PTPRT: variants seen among roughly 807,000 people sequenced by gnomAD.
The protein encoded by PTPRT is protein tyrosine phosphatase receptor type T.
In PTPRT, 56 loss-of-function variants were observed where a neutral mutation model predicts 176.8. The ratio of observed to expected loss-of-function variants is 0.32; its 90% CI spans 0.26 to 0.40. The LOEUF is 0.40. Among genes scored for constraint, PTPRT ranks in the 10% least tolerant of loss-of-function variants. PTPRT has a pLI of 1.00. For missense variants in PTPRT, 1,540 were observed against 1,908.2 expected, an observed-to-expected ratio of 0.81 and a Z score of 3.60; for synonymous variants, 783 against 739.0, an observed-to-expected ratio of 1.06 and a Z score of -0.96.
At chr20:42,584,480 G>C (rs1233622453) in intron 7 of PTPRT, among the ~76,000 whole-genome samples, 3 of 152,064 alleles carry the variant, frequency 2.0e-5, no homozygotes, top group Non-Finnish European at 1.5e-5. Context: ...CTTCATGCAG[G>C]CCTTTGCATA....
chr20:42,562,593 G>C (rs1364795419), intron 7 of PTPRT, among the ~76,000 whole-genome samples: 1 of 152,184 alleles, frequency 6.6e-6, no homozygotes, highest in Non-Finnish European at 1.5e-5. Context: ...ATAGAAATAT[G>C]CATTCATTTC....
intron 9 of PTPRT, among the ~76,000 whole-genome samples, chr20:42,377,138 A>C (rs187105926): frequency 6.6e-6 from 1 of 152,304 alleles, no homozygotes; most frequent in Admixed American, 6.5e-5. Context: ...CAGCAAAGCG[A>C]TGCATTTCAC....
chr20:43,016,711 T>C (rs1985392510), intron 1 of PTPRT, among the ~76,000 whole-genome samples: 1 of 151,938 alleles, frequency 6.6e-6, no homozygotes, highest in Admixed American at 6.6e-5. Flanking sequence ...TTAGTTTTTG[T>C]ATTTTTAGTA....
intron 7 of PTPRT, among the ~76,000 whole-genome samples, chr20:42,518,303 A>T (rs551145087): frequency 1.3e-3 from 201 of 152,166 alleles, no homozygotes; most frequent in African/African-American, 4.6e-3. Context: ...TAAACAGCAT[A>T]AAACTGGATT....
intron 2 of PTPRT, among the ~76,000 whole-genome samples, chr20:42,846,088 T>G (rs2078365780): frequency 6.6e-6 from 1 of 152,166 alleles, no homozygotes; most frequent in Non-Finnish European, 1.5e-5. Flanking sequence ...CCCACCAGCC[T>G]CCGTGTGTCA....
At chr20:42,507,682 C>A (rs2071871713) in intron 7 of PTPRT, among the ~76,000 whole-genome samples, 1 of 152,034 alleles carries the variant, frequency 6.6e-6, no homozygotes, top group Non-Finnish European at 1.5e-5. Flanking sequence ...CATTTTGTTC[C>A]TTTCTCTCTA....
intron 7 of PTPRT, among the ~76,000 whole-genome samples, chr20:42,622,116 T>G (rs1337810989): frequency 2.0e-5 from 3 of 152,234 alleles, no homozygotes; most frequent in Admixed American, 6.5e-5. Context: ...TGCCTCTACC[T>G]TAGAAAATAT....
At chr20:42,108,295 A>AAAAG (rs1986668354) in intron 23 of PTPRT, among the ~76,000 whole-genome samples, 1 of 152,286 alleles carries the variant, frequency 6.6e-6, no homozygotes, top group South Asian at 2.1e-4. Flanking sequence ...AGGATATTTG[A>AAAAG]AAAGACCCCC....
chr20:42,319,873 C>T (rs574454180), intron 11 of PTPRT, among the ~76,000 whole-genome samples: 30 of 152,164 alleles, frequency 2.0e-4, no homozygotes, highest in African/African-American at 7.0e-4. Flanking sequence ...ATCTCCAGCT[C>T]AAAAACAGTG....
intron 27 of PTPRT, among the ~76,000 whole-genome samples, chr20:42,093,071 C>T (rs3092283): frequency 0.27 from 41,566 of 152,048 alleles, 5,980 homozygotes; most frequent in East Asian, 0.42. Flanking sequence ...GTGGACATCT[C>T]TGGTGGGGCC....
intron 12 of PTPRT, among the ~76,000 whole-genome samples, chr20:42,300,543 G>A (rs1209956523): frequency 6.6e-6 from 1 of 151,806 alleles, no homozygotes; most frequent in African/African-American, 2.4e-5. Flanking sequence ...AGCTAATTCT[G>A]GGACAATTTG....
At chr20:42,726,754 C>A (rs1002606632) in intron 6 of PTPRT, among the ~76,000 whole-genome samples, 1 of 152,232 alleles carries the variant, frequency 6.6e-6, no homozygotes, top group Admixed American at 6.5e-5. Flanking sequence ...CTCCTCCTGC[C>A]TTCCATTCTC....
At chr20:43,184,794 C>A (rs542370105) in intron 1 of PTPRT, among the ~76,000 whole-genome samples, 4 of 152,124 alleles carry the variant, frequency 2.6e-5, no homozygotes, top group Non-Finnish European at 5.9e-5. Flanking sequence ...ACTTCTGTTA[C>A]GTCCCTTTGG....
At chr20:43,143,658 T>C (rs1739016631) in intron 1 of PTPRT, among the ~76,000 whole-genome samples, 1 of 152,022 alleles carries the variant, frequency 6.6e-6, no homozygotes, top group Non-Finnish European at 1.5e-5. Context: ...GAGATAGAGA[T>C]CTAAGGAAAG....
chr20:42,979,089 C>T (rs910059778), intron 1 of PTPRT, among the ~76,000 whole-genome samples: 1 of 152,080 alleles, frequency 6.6e-6, no homozygotes, highest in Non-Finnish European at 1.5e-5. Flanking sequence ...AAATTGTTGT[C>T]AACGTAAATC....
intron 1 of PTPRT, among the ~76,000 whole-genome samples, chr20:42,904,050 C>A (rs945823916): frequency 6.6e-6 from 1 of 152,066 alleles, no homozygotes; most frequent in Non-Finnish European, 1.5e-5. Context: ...GGTTCCTAAG[C>A]AAAAAAACAG....
chr20:42,846,208 T>G (rs762005813), intron 2 of PTPRT, among the ~76,000 whole-genome samples: 1 of 152,152 alleles, frequency 6.6e-6, no homozygotes, highest in Non-Finnish European at 1.5e-5. Flanking sequence ...CCATTGCAAA[T>G]TATGTCTGAA....
chr20:42,394,649 T>C (rs188435855), intron 9 of PTPRT, among the ~76,000 whole-genome samples: 1 of 152,222 alleles, frequency 6.6e-6, no homozygotes, highest in Non-Finnish European at 1.5e-5. Context: ...TTCCATATGG[T>C]ATAAGTCATT....
At chr20:42,862,641 C>T (rs1167624793) in intron 2 of PTPRT, among the ~76,000 whole-genome samples, 1 of 152,208 alleles carries the variant, frequency 6.6e-6, no homozygotes, top group African/African-American at 2.4e-5. Context: ...TCATTGTACA[C>T]AGCTTTTCGT....
Sources: allele counts gnomAD v4.1 joint callset (sites outside exome capture counted in the v4.1 genomes callset), GRCh38; gene constraint gnomAD v4.1.1; transcripts MANE v1.5; gene names NCBI Gene and HGNC (gene_info 2026-07-23, HGNC 2026-07-21).